Variants in LSAMP observed in about 807,000 individuals in gnomAD.
LSAMP encodes limbic system-associated membrane protein.
Under a neutral mutation model 38.6 loss-of-function variants are expected in LSAMP, and 7 were observed. That is an observed-to-expected ratio of 0.18 (90% CI 0.10 to 0.34). The LOEUF (loss-of-function observed/expected upper bound fraction) is 0.34, where lower values mean the gene tolerates loss of function less well. LSAMP is among the 10% of genes least tolerant of loss of function. The probability of loss-of-function intolerance (pLI) is 1.00; values close to 1 mark genes in which losing one functional copy is unlikely to be tolerated. For synonymous variants in LSAMP, 154 were observed against 166.8 expected (o/e 0.92, Z 0.59); for missense variants, 313 against 420.0 (o/e 0.75, Z 2.23).
intron 1 of LSAMP, among the ~76,000 whole-genome samples, chr3:116,334,679 AG>A (rs1252271809): frequency 6.6e-6 from 1 of 152,122 alleles, no homozygotes; most frequent in African/African-American, 2.4e-5. Flanking sequence ...TAAAGATGAT[AG>A]TTTACAAAAT....
At chr3:115,840,715 A>C (rs888282496) in intron 6 of LSAMP, among the ~76,000 whole-genome samples, 5 of 152,236 alleles carry the variant, frequency 3.3e-5, no homozygotes, top group Admixed American at 6.5e-5. Context: ...CTCTCACTTA[A>C]ATTGATTTTT....
intron 1 of LSAMP, among the ~76,000 whole-genome samples, chr3:116,208,349 T>C (rs1188542746): frequency 1.3e-5 from 2 of 151,654 alleles, no homozygotes; most frequent in Non-Finnish European, 2.9e-5. Flanking sequence ...GGTTTGAATG[T>C]CCTCCCGTAG....
chr3:116,428,619 TG>T (rs2107868074), intron 1 of LSAMP, among the ~76,000 whole-genome samples: 1 of 152,266 alleles, frequency 6.6e-6, no homozygotes, highest in East Asian at 1.9e-4. Flanking sequence ...ATGCTTAGTG[TG>T]TATATGGAAG....
intron 1 of LSAMP, among the ~76,000 whole-genome samples, chr3:116,148,029 A>G (rs1709527500): frequency 6.6e-6 from 1 of 151,842 alleles, no homozygotes; most frequent in South Asian, 2.1e-4. Flanking sequence ...AGACTTCAAA[A>G]CACTATTGTG....
intron 2 of LSAMP, among the ~76,000 whole-genome samples, chr3:116,050,021 G>A (rs574910301): frequency 6.6e-6 from 1 of 152,272 alleles, no homozygotes; most frequent in South Asian, 2.1e-4. Flanking sequence ...CCTGCTCTGT[G>A]CCCTGGGAGG....
In LSAMP at chr3:115,836,537, T is replaced by C. The variant is rs575172310; in HGVS notation, c.919+5308A>G. On this transcript the variant is annotated intron_variant, in intron 6 of 6. Coordinates refer to ENST00000490035, the MANE Select transcript of LSAMP (RefSeq NM_002338.5). The stretch of plus-strand genomic sequence containing the variant: ...GGAGGAAAACACACTTAGCAGCTGA[T>C]TGGGAGATTTTGGGAACAGAACTAT... 1.1e-4 allele frequency among the ~76,000 whole-genome samples: 17 copies of C among 152,316 alleles called. No homozygotes were observed. In the South Asian group the frequency reaches 3.3e-3, roughly 30 times the overall value.
intron 1 of LSAMP, among the ~76,000 whole-genome samples, chr3:116,387,484 G>T (rs2048640044): frequency 6.6e-6 from 1 of 152,082 alleles, no homozygotes; most frequent in African/African-American, 2.4e-5. Flanking sequence ...AATATCACAT[G>T]TACCCTAAAA....
At chr3:115,815,503 TC>T (rs1235033200) in intron 6 of LSAMP, among the ~76,000 whole-genome samples, 1 of 152,206 alleles carries the variant, frequency 6.6e-6, no homozygotes, top group Non-Finnish European at 1.5e-5. Flanking sequence ...GGTAATATTC[TC>T]ACATTAAAGT....
At chr3:116,220,625 G>A (rs1291518247) in intron 1 of LSAMP, among the ~76,000 whole-genome samples, 2 of 152,158 alleles carry the variant, frequency 1.3e-5, no homozygotes, top group South Asian at 2.1e-4. Context: ...AGGATTTGTT[G>A]TATGATGGAG....
chr3:115,892,084 G>T (rs1236406880), intron 3 of LSAMP, among the ~76,000 whole-genome samples: 3 of 151,918 alleles, frequency 2.0e-5, no homozygotes, highest in Non-Finnish European at 4.4e-5. Context: ...AGTAGCAGAG[G>T]ATAAAATGTA....
intron 3 of LSAMP, among the ~76,000 whole-genome samples, chr3:115,969,756 G>GTTAC (rs1419982857): frequency 6.6e-6 from 1 of 152,010 alleles, no homozygotes; most frequent in Non-Finnish European, 1.5e-5. Context: ...GATCTTCTGG[G>GTTAC]GTAAGGCTCA....
In LSAMP at chr3:116,240,525, G is replaced by C. The variant is rs567929342; in HGVS notation, c.156-153969C>G. On this transcript the variant is annotated intron_variant, in intron 1 of 6. Transcript: ENST00000490035. ...TATGGTTGGCACAATGTCTCCCCTA[G>C]AGAAAACACTACAGGAGAAGAAAAA... Among the ~76,000 whole-genome samples, 12 of 152,278 alleles carry C rather than the reference G, an allele frequency of 7.9e-5. No homozygotes were observed. The South Asian group carries it at 2.5e-3, about 32-fold the overall frequency.
At chr3:116,122,193 A>G (rs945637808) in intron 1 of LSAMP, among the ~76,000 whole-genome samples, 1 of 152,244 alleles carries the variant, frequency 6.6e-6, no homozygotes, top group Non-Finnish European at 1.5e-5. Flanking sequence ...TTAGAAATAT[A>G]TTTAATAAGC....
chr3:116,110,400 A>AAC (rs1286295590), intron 1 of LSAMP, among the ~76,000 whole-genome samples: 5 of 152,202 alleles, frequency 3.3e-5, no homozygotes, highest in Non-Finnish European at 7.3e-5. Flanking sequence ...ACACCCTTGA[A>AAC]ACATGGGTGA....
chr3:116,148,102 TACAAAAACA>T (rs1233771766), intron 1 of LSAMP, among the ~76,000 whole-genome samples: 3 of 149,998 alleles, frequency 2.0e-5, no homozygotes, highest in African/African-American at 7.4e-5. Context: ...TTGCTTGTTC[TACAAAAACA>T]TGTGCTTTTT....
At chr3:116,227,595 C>G (rs2046356325) in intron 1 of LSAMP, among the ~76,000 whole-genome samples, 1 of 151,588 alleles carries the variant, frequency 6.6e-6, no homozygotes. Context: ...TAAAATGTCT[C>G]CTTTTCTTAC....
At chr3:115,878,229 G>A (rs1201101675) in intron 3 of LSAMP, among the ~76,000 whole-genome samples, 1 of 151,992 alleles carries the variant, frequency 6.6e-6, no homozygotes, top group Non-Finnish European at 1.5e-5. Flanking sequence ...CTTAGCATGA[G>A]GCCATCTAGA....
At chr3:116,128,165 G>A (rs1326959704) in intron 1 of LSAMP, among the ~76,000 whole-genome samples, 1 of 152,196 alleles carries the variant, frequency 6.6e-6, no homozygotes, top group South Asian at 2.1e-4. Context: ...TGGAAATACT[G>A]GTGGTAAAGG....
chr3:115,882,346 A>G (rs1465188128), intron 3 of LSAMP, among the ~76,000 whole-genome samples: 1 of 152,038 alleles, frequency 6.6e-6, no homozygotes, highest in East Asian at 1.9e-4. Context: ...TCTTTTTAAG[A>G]CTTTTATAAA....
Sources: allele counts gnomAD v4.1 joint callset (sites outside exome capture counted in the v4.1 genomes callset), GRCh38; gene constraint gnomAD v4.1.1; transcripts MANE v1.5; gene names NCBI Gene and HGNC (gene_info 2026-07-23, HGNC 2026-07-21).